The following MAP3K4 variants were observed in gnomAD, a reference collection of about 807,000 sequenced individuals.
MAP3K4 encodes the protein mitogen-activated protein kinase kinase kinase 4.
Under a neutral mutation model 185.6 loss-of-function variants are expected in MAP3K4, and 67 were observed. That is an observed-to-expected ratio of 0.36 (90% CI 0.30 to 0.44). MAP3K4 has a LOEUF of 0.44. Among genes scored for constraint, MAP3K4 ranks in the 20% least tolerant of loss-of-function variants. The probability of loss-of-function intolerance (pLI) is 1.00; values close to 1 mark genes in which losing one functional copy is unlikely to be tolerated. For synonymous variants in MAP3K4, 702 were observed against 710.4 expected (o/e 0.99, Z 0.19); for missense variants, 1,551 against 1,995.1 (o/e 0.78, Z 4.24).
At position 160,997,863 on chromosome 6, in the gene MAP3K4, G is replaced by A. The variant is rs78185671; in HGVS notation, c.152+5780G>A. On this transcript the variant is annotated intron_variant, in intron 1 of 26. Coordinates refer to ENST00000392142, the MANE Select transcript of MAP3K4 (RefSeq NM_005922.4). The stretch of plus-strand genomic sequence containing the variant: ...CTTTCCTGGGATTTTTCAAATTGGA[G>A]CTGGGAGAGAGAAACGCGCATTTTA... Among the ~76,000 whole-genome samples the A allele has an allele frequency of 7.3e-3, 1,113 of 152,190 alleles. 15 individuals are homozygous for A. Among genetic ancestry groups the A allele is most frequent in the African/African-American group, 0.026 (1,069 of 41,534 alleles).
Position 161,114,672 on chromosome 6 carries a change from A to C in MAP3K4, c.4627-451A>C, listed in dbSNP as rs1037663059. 6.6e-6 allele frequency among the ~76,000 whole-genome samples: 1 copy of C among 152,248 alleles called. No homozygotes were observed. Among genetic ancestry groups the C allele is most frequent in the Non-Finnish European group, 1.5e-5 (1 of 68,036 alleles). ...TTTTTCATAGGATCATAATGAAATA[A>C]GCTTTGCACTAATGCAATTTTTATT... On this transcript the variant is annotated intron_variant, in intron 25 of 26. Transcript: ENST00000392142. The surrounding 1 kb of genome is among the most constrained non-coding windows in gnomAD (Gnocchi z 4.3).
chr6:161,041,964 C>T (rs1279324297), intron 2 of MAP3K4, among the ~76,000 whole-genome samples: 1 of 137,390 alleles, frequency 7.3e-6, no homozygotes, highest in Admixed American at 7.6e-5. Context: ...CGCTATGTTG[C>T]CCAGACTGGC....
chr6:161,073,744 A>G lies in MAP3K4; in HGVS notation c.2097+132A>G, dbSNP rs1785051851. On this transcript the variant is annotated intron_variant, in intron 5 of 26. Transcript: ENST00000392142. This position sits in a 1 kb window ranked among gnomAD's most constrained non-coding sequence, Gnocchi z 4.2. Reference sequence around the variant, plus strand: ...ATAAACTTCTCTAGTAATGAATTATAGAAATGATCCCTGAAAGTATAGCTT... The same window carrying G: ...ATAAACTTCTCTAGTAATGAATTATGGAAATGATCCCTGAAAGTATAGCTT... 1.1e-6 allele frequency: 1 copy of G among 908,810 alleles called. No individual in the cohort carries two copies. Among genetic ancestry groups the G allele is most frequent in the Non-Finnish European group, 1.6e-6 (1 of 629,324 alleles). 56.3% of individuals were successfully genotyped at this position (908,810 alleles called of 1,614,324 possible). A position where few individuals can be genotyped will look rare whatever the true frequency, so the allele number is the denominator to read the frequency against.
chr6:161,064,586 G>GT lies in MAP3K4; in HGVS notation c.1708-6020dup, dbSNP rs1784620687. On this transcript the variant is annotated intron_variant, in intron 3 of 26. Coordinates refer to ENST00000392142, the MANE Select transcript of MAP3K4 (RefSeq NM_005922.4). This position sits in a 1 kb window ranked among gnomAD's most constrained non-coding sequence, Gnocchi z 4.3. ...AAGGTTTGGTATCTTGTAGGACAGT[G>GT]TTGCCCATTGTTTCTTTTCAGAAGT... Among the ~76,000 whole-genome samples, 1 of 152,128 alleles carries GT rather than the reference G, an allele frequency of 6.6e-6. No individual in the cohort carries two copies. Among genetic ancestry groups the GT allele is most frequent in the African/African-American group, 2.4e-5 (1 of 41,512 alleles).
At chr6:161,018,745 C>G (rs1159106009) in intron 1 of MAP3K4, among the ~76,000 whole-genome samples, 1 of 151,828 alleles carries the variant, frequency 6.6e-6, no homozygotes, top group East Asian at 1.9e-4. Context: ...TAGTAACAAT[C>G]CTAGAAGTGT....
At position 161,091,752 on chromosome 6, in the gene MAP3K4, A is replaced by G. The variant is rs1777321384; in HGVS notation, c.3135+212A>G. Among the ~76,000 whole-genome samples the G allele has an allele frequency of 6.6e-6, 1 of 152,200 alleles. No homozygotes were observed. Among genetic ancestry groups the G allele is most frequent in the Non-Finnish European group, 1.5e-5 (1 of 68,016 alleles). On this transcript the variant is annotated intron_variant, in intron 12 of 26. Coordinates refer to ENST00000392142, the MANE Select transcript of MAP3K4 (RefSeq NM_005922.4). The surrounding 1 kb of genome is among the most constrained non-coding windows in gnomAD (Gnocchi z 5.5). ...TTTTATTTTGTGCTAACAGCCATCT[A>G]CTTACATTTTAAAACTTTAAAGAGA...
chr6:161,057,967 A>G (rs183285995), intron 3 of MAP3K4, among the ~76,000 whole-genome samples: 2 of 152,384 alleles, frequency 1.3e-5, no homozygotes, highest in East Asian at 3.9e-4. Flanking sequence ...GAAGTCATCA[A>G]CTTTGAGCTG....
intron 6 of MAP3K4, among the ~76,000 whole-genome samples, chr6:161,081,780 CCTT>C (rs1785471826): frequency 6.6e-6 from 1 of 152,180 alleles, no homozygotes; most frequent in African/African-American, 2.4e-5. Context: ...GGATCAGTGT[CCTT>C]CTGTGCTTTA....
In MAP3K4 at chr6:161,017,086, AAAG is replaced by A. The variant is rs1782151132; in HGVS notation, c.153-17170_153-17168del. ...ACTAAAGGTCTTGTGTGCACTGAAA[AAAG>A]AATTTTAGAAGCGAAAAAAGAACAA... On this transcript the variant is annotated intron_variant, in intron 1 of 26. Transcript: ENST00000392142. The surrounding 1 kb of genome is among the most constrained non-coding windows in gnomAD (Gnocchi z 5.1). Among the ~76,000 whole-genome samples the A allele has an allele frequency of 6.6e-6, 1 of 152,156 alleles. No homozygotes were observed. The highest frequency in any genetic ancestry group is 1.5e-5 in the Non-Finnish European group (1 of 68,026).
In MAP3K4 at chr6:161,084,581, C is replaced by G; in HGVS notation, c.2336C>G (p.Thr779Ser). ...CAGGAGAGCTGTGCTGAATTTTGGA[C>G]TAGTGCGGATGACAGCAGTGCTTCC... Reference protein sequence around the residue: ...GLQESCAEFWTSADDSSASDE... With the variant: ...GLQESCAEFWSSADDSSASDE... The change falls in exon 7 of 27, where the codon ACT (threonine) becomes AGT (serine). Residue 779 changes from threonine (T) to serine (S), a missense_variant. By Grantham distance (58) the Thr-to-Ser change is moderately conservative. This residue lies in a region of MAP3K4 where 130 missense variants were observed against 171.3 expected (regional missense o/e 0.76). Coordinates refer to ENST00000392142, the MANE Select transcript of MAP3K4 (RefSeq NM_005922.4). The surrounding 1 kb of genome is among the most constrained non-coding windows in gnomAD (Gnocchi z 4.6). 6.2e-7 allele frequency: 1 copy of G among 1,612,190 alleles called. No individual in the cohort carries two copies. Among genetic ancestry groups the G allele is most frequent in the Non-Finnish European group, 8.5e-7 (1 of 1,178,294 alleles).
At chr6:161,039,893 T>C (rs1007516895) in intron 2 of MAP3K4, among the ~76,000 whole-genome samples, 2 of 152,228 alleles carry the variant, frequency 1.3e-5, no homozygotes, top group Admixed American at 1.3e-4. Flanking sequence ...ATTATAACCA[T>C]GTTCCCTATA....
At chr6:161,113,902 A>G (rs375757252) in intron 25 of MAP3K4, among the ~76,000 whole-genome samples, 1 of 149,352 alleles carries the variant, frequency 6.7e-6, no homozygotes, top group African/African-American at 2.5e-5. Flanking sequence ...GGTTCAAGCA[A>G]TTCTTCTGCC....
In MAP3K4 at chr6:161,029,234, G is replaced by T. The variant is rs1286191029; in HGVS notation, c.153-5025G>T. On this transcript the variant is annotated intron_variant, in intron 1 of 26. Coordinates refer to ENST00000392142, the MANE Select transcript of MAP3K4 (RefSeq NM_005922.4). ...GATGTCGCTAAATGAAGTGTTTTGG[G>T]TTTTTTTGGCGGGGGTGGTGTTGGG... Among the ~76,000 whole-genome samples, 3 of 149,028 alleles carry T rather than the reference G, an allele frequency of 2.0e-5. No individual in the cohort carries two copies. In the East Asian group the frequency reaches 5.9e-4, roughly 29 times the overall value.
intron 3 of MAP3K4, among the ~76,000 whole-genome samples, chr6:161,058,547 G>T (rs1822519): frequency 2.0e-5 from 3 of 152,040 alleles, no homozygotes; most frequent in Admixed American, 2.0e-4. Context: ...TTATTTATTG[G>T]AGTATATTTT....
rs371882160 is a variant in MAP3K4, at chr6:161,089,317, C to T, written c.2824-5C>T. 5.0e-6 allele frequency: 8 copies of T among 1,611,188 alleles called. No individual in the cohort carries two copies. Among genetic ancestry groups the T allele is most frequent in the African/African-American group, 4.0e-5 (3 of 74,836 alleles). On this transcript the variant is annotated splice_region_variant and splice_polypyrimidine_tract_variant and intron_variant, in intron 10 of 26. Coordinates refer to ENST00000392142, the MANE Select transcript of MAP3K4 (RefSeq NM_005922.4). ...TTTATGTCCTGTGCTTGATTTTCCTCCCAGGTGGATAATCTTTTACTAGTT... is the reference window on the plus strand; with the variant it reads ...TTTATGTCCTGTGCTTGATTTTCCTTCCAGGTGGATAATCTTTTACTAGTT...
chr6:161,027,421 GGTGA>G (rs1182006449), intron 1 of MAP3K4, among the ~76,000 whole-genome samples: 8 of 152,168 alleles, frequency 5.3e-5, no homozygotes, highest in African/African-American at 1.9e-4. Flanking sequence ...TGTCAGTATA[GGTGA>G]GTAACATTAA....
Position 161,093,152 on chromosome 6 carries a change from C to A in MAP3K4, c.3348+96C>A, listed in dbSNP as rs1562534977. On this transcript the variant is annotated intron_variant, in intron 14 of 26. Transcript: ENST00000392142. The surrounding 1 kb of genome is among the most constrained non-coding windows in gnomAD (Gnocchi z 5.2). The stretch of plus-strand genomic sequence containing the variant: ...TTTTATATGTAATAGTGGTTTTTTT[C>A]ATGAGATATTAATCTCAGCATATCA... 6.5e-6 allele frequency: 5 copies of A among 769,668 alleles called. No homozygotes were observed. The highest frequency in any genetic ancestry group is 1.1e-5 in the Non-Finnish European group (5 of 462,540). 47.7% of individuals were successfully genotyped at this position (769,668 alleles called of 1,614,324 possible).
intron 3 of MAP3K4, among the ~76,000 whole-genome samples, chr6:161,058,898 A>T (rs1437811460): frequency 1.3e-5 from 2 of 152,150 alleles, no homozygotes; most frequent in Non-Finnish European, 2.9e-5. Flanking sequence ...TAAACAATGT[A>T]GCCACAGACA....
At position 161,087,133 on chromosome 6, in the gene MAP3K4, G is replaced by GAAA. The variant is rs1562530082; in HGVS notation, c.2556+467_2556+468insAAA. Among the ~76,000 whole-genome samples, 1 of 152,138 alleles carries GAAA rather than the reference G, an allele frequency of 6.6e-6. No homozygotes were observed. The highest frequency in any genetic ancestry group is 2.4e-5 in the African/African-American group (1 of 41,424). ...TTTAGCACAGTTAGAATCCGTATGT[G>GAAA]ATGTCATCACTGGACATTTTATCCC... On this transcript the variant is annotated intron_variant, in intron 9 of 26. Transcript: ENST00000392142. This position sits in a 1 kb window ranked among gnomAD's most constrained non-coding sequence, Gnocchi z 4.9.
Sources: allele counts gnomAD v4.1 joint callset (sites outside exome capture counted in the v4.1 genomes callset), GRCh38; gene constraint gnomAD v4.1.1; regional missense constraint gnomAD v4.1.1; non-coding constraint Gnocchi (gnomAD v3.1); transcripts MANE v1.5; gene names NCBI Gene and HGNC (gene_info 2026-07-23, HGNC 2026-07-21).